The following STK10 variants were observed in gnomAD, a reference collection of about 807,000 sequenced individuals.
STK10 encodes serine/threonine-protein kinase 10.
STK10 carries 78 observed loss-of-function variants against 113.8 expected under a neutral mutation model. That is an observed-to-expected ratio of 0.69 (90% CI 0.57 to 0.83). STK10 has a LOEUF of 0.83. STK10 is among the 40% of genes least tolerant of loss of function. STK10 has a pLI of 0.00. For missense variants in STK10, 1,109 were observed against 1,280.1 expected (o/e 0.87, Z 2.04); for synonymous variants, 465 against 494.7 (o/e 0.94, Z 0.80).
chr5:172,068,028 C>G (rs117176159), intron 12 of STK10, among the ~76,000 whole-genome samples: 1 of 152,166 alleles, frequency 6.6e-6, no homozygotes, highest in Admixed American at 6.5e-5. Flanking sequence ...CAAAAGCCAC[C>G]GGAGTATCAT....
At chr5:172,053,721 A>G (rs1767683320) in intron 17 of STK10, among the ~76,000 whole-genome samples, 1 of 152,222 alleles carries the variant, frequency 6.6e-6, no homozygotes. Flanking sequence ...CTGGGTTGGA[A>G]AAGTAGAATC....
intron 1 of STK10, among the ~76,000 whole-genome samples, chr5:172,166,979 G>A (rs1175226295): frequency 6.6e-6 from 1 of 152,036 alleles, no homozygotes. Context: ...GACCAACATA[G>A]TGAAACCCCG....
intron 3 of STK10, among the ~76,000 whole-genome samples, chr5:172,127,005 A>G (rs1042901810): frequency 6.6e-6 from 1 of 152,030 alleles, no homozygotes; most frequent in African/African-American, 2.4e-5. Flanking sequence ...CATCTCTACT[A>G]AAAATACAAA....
At position 172,087,623 on chromosome 5, in the gene STK10, A is replaced by ATTTTTTTTT. The variant is rs1203616701; in HGVS notation, c.1685+2600_1685+2608dup. On this transcript the variant is annotated intron_variant, in intron 10 of 18. Coordinates refer to ENST00000176763, the MANE Select transcript of STK10 (RefSeq NM_005990.4). ...ATTTTTTAAATTTATTTACTTATTT[A>ATTTTTTTTT]TTTTTTTTTTTTTTTTGAGACGGAG... Among the ~76,000 whole-genome samples, 5 of 85,188 alleles carry ATTTTTTTTT rather than the reference A, an allele frequency of 5.9e-5. 1 individual carries two copies. The highest frequency in any genetic ancestry group is 2.9e-4 in the African/African-American group (5 of 17,196). The allele number at this position is 85,188 out of a possible 152,430, so 55.9% of individuals were successfully genotyped here. A position where few individuals can be genotyped will look rare whatever the true frequency, so the allele number is the denominator to read the frequency against.
intron 1 of STK10, among the ~76,000 whole-genome samples, chr5:172,166,630 T>C (rs149571273): frequency 5.3e-5 from 8 of 152,294 alleles, no homozygotes; most frequent in Admixed American, 1.3e-4. Context: ...CAAAAGAATC[T>C]TCCTCCAAAA....
chr5:172,131,693 A>G (rs2113792374), intron 2 of STK10, among the ~76,000 whole-genome samples: 1 of 152,304 alleles, frequency 6.6e-6, no homozygotes, highest in East Asian at 1.9e-4. Flanking sequence ...GGAGGGCTAC[A>G]GGGGATTGGT....
chr5:172,050,186 G>A (rs1051258785), intron 18 of STK10, among the ~76,000 whole-genome samples: 2 of 152,160 alleles, frequency 1.3e-5, no homozygotes, highest in African/African-American at 4.8e-5. Context: ...CAACACAAAT[G>A]GTTCATTTTA....
intron 4 of STK10, among the ~76,000 whole-genome samples, chr5:172,108,524 A>T (rs112429796): frequency 0.028 from 4,236 of 151,680 alleles, 194 homozygotes; most frequent in African/African-American, 0.098. Context: ...GCTGAGGCAC[A>T]AAAATCGCTT....
intron 12 of STK10, among the ~76,000 whole-genome samples, chr5:172,075,074 G>C (rs1211919886): frequency 6.6e-6 from 1 of 151,722 alleles, no homozygotes. Flanking sequence ...CCAGCTACTT[G>C]GGAGGCTGAG....
chr5:172,050,887 A>AT (rs113904166), intron 18 of STK10, among the ~76,000 whole-genome samples: 2,632 of 151,870 alleles, frequency 0.017, 74 homozygotes, highest in African/African-American at 0.06. Flanking sequence ...TAATTTTTGT[A>AT]TTTTTTGTAG....
At chr5:172,100,496 C>T (rs949907184) in intron 7 of STK10, among the ~76,000 whole-genome samples, 7 of 152,112 alleles carry the variant, frequency 4.6e-5, no homozygotes, top group South Asian at 2.1e-4. Context: ...CTTTAAAAAA[C>T]GCCAAAAAGG....
intron 1 of STK10, among the ~76,000 whole-genome samples, chr5:172,165,588 G>A (rs1419847752): frequency 2.0e-5 from 3 of 151,446 alleles, no homozygotes; most frequent in Non-Finnish European, 4.4e-5. Context: ...CCTCTCCCTC[G>A]CTCTGAGTCC....
rs562137565 is a variant in STK10, at chr5:172,083,623, T to A, written c.1686-539A>T. Among the ~76,000 whole-genome samples the A allele has an allele frequency of 2.6e-5, 4 of 152,302 alleles. No homozygotes were observed. In the East Asian group the frequency reaches 7.7e-4, roughly 29 times the overall value. The stretch of plus-strand genomic sequence containing the variant: ...TGCACAAAACCACTGAATAAGAATA[T>A]TCAGCTGGGTGTGGTGGCTCACACC... On this transcript the variant is annotated intron_variant, in intron 10 of 18. Coordinates refer to ENST00000176763, the MANE Select transcript of STK10 (RefSeq NM_005990.4).
chr5:172,051,142 A>G lies in STK10; in HGVS notation c.2766+1787T>C, dbSNP rs1437178703. On this transcript the variant is annotated intron_variant, in intron 18 of 18. Coordinates refer to ENST00000176763, the MANE Select transcript of STK10 (RefSeq NM_005990.4). Reference sequence around the variant, plus strand: ...ACTTGGATGTAACTTTGCTCCAGCCATGATCCTGTAACATCATGCATTGGT... The same window carrying G: ...ACTTGGATGTAACTTTGCTCCAGCCGTGATCCTGTAACATCATGCATTGGT... Among the ~76,000 whole-genome samples, 8 of 152,166 alleles carry G rather than the reference A, an allele frequency of 5.3e-5. No individual in the cohort carries two copies. The South Asian group carries it at 1.4e-3, about 28-fold the overall frequency.
intron 14 of STK10, 44 bp downstream of exon 14, chr5:172,061,095 A>G (rs767948228): frequency 1.6e-5 from 25 of 1,564,262 alleles, no homozygotes; most frequent in Non-Finnish European, 2.1e-5. Flanking sequence ...GGATGTCCAC[A>G]GCGACTCTGG....
intron 4 of STK10, among the ~76,000 whole-genome samples, chr5:172,110,622 G>A (rs1340372867): frequency 6.6e-6 from 1 of 152,072 alleles, no homozygotes; most frequent in African/African-American, 2.4e-5. Context: ...CAGGCTGGAG[G>A]GACCAGCGGG....
intron 3 of STK10, among the ~76,000 whole-genome samples, chr5:172,118,869 ACT>A: frequency 7.3e-6 from 1 of 137,612 alleles, no homozygotes. Flanking sequence ...ACAGAGCGAG[ACT>A]CAGTCTCAAA....
At chr5:172,111,626 T>C (rs141615575) in intron 4 of STK10, among the ~76,000 whole-genome samples, 260 of 152,354 alleles carry the variant, frequency 1.7e-3, no homozygotes, top group Middle Eastern at 0.01. Context: ...ATTTTCACCA[T>C]GCAGTCTCTT....
At chr5:172,107,120 A>AC (rs111902242) in intron 5 of STK10, 16,600 of 291,418 alleles carry the variant, frequency 0.057, 824 homozygotes, top group African/African-American at 0.13. Context: ...CGGAGCAAAA[A>AC]AAAAGGGGCG....
Sources: allele counts gnomAD v4.1 joint callset (sites outside exome capture counted in the v4.1 genomes callset), GRCh38; gene constraint gnomAD v4.1.1; transcripts MANE v1.5; gene names NCBI Gene and HGNC (gene_info 2026-07-23, HGNC 2026-07-21).